The following PRUNE2 variants were observed in gnomAD, a reference collection of about 807,000 sequenced individuals.
PRUNE2 encodes prune homolog 2 with BCH domain, also known as protein prune homolog 2.
In PRUNE2, 164 loss-of-function variants were observed where a neutral mutation model predicts 252.0. The observed-to-expected ratio is 0.65, with a 90% confidence interval of 0.57 to 0.74. The LOEUF (loss-of-function observed/expected upper bound fraction) is 0.74, where lower values mean the gene tolerates loss of function less well. PRUNE2 is among the 30% of genes least tolerant of loss of function. PRUNE2 has a pLI of 0.00. For missense variants in PRUNE2, 3,495 were observed against 3,711.0 expected (o/e 0.94, Z 1.51); for synonymous variants, 1,292 against 1,350.2 (o/e 0.96, Z 0.94).
At chr9:76,799,335 C>A (rs2056371965) in intron 6 of PRUNE2, among the ~76,000 whole-genome samples, 1 of 134,446 alleles carries the variant, frequency 7.4e-6, no homozygotes, top group African/African-American at 2.8e-5. Context: ...GAGTGAAACT[C>A]TGTCTCAAAA....
intron 6 of PRUNE2, among the ~76,000 whole-genome samples, chr9:76,795,810 C>T (rs906240271): frequency 6.6e-6 from 1 of 152,104 alleles, no homozygotes; most frequent in African/African-American, 2.4e-5. Context: ...CCCAGGTGTA[C>T]ATAAAAATCA....
At position 76,853,414 on chromosome 9, in the gene PRUNE2, C is replaced by G. The variant is rs116288740; in HGVS notation, c.141+690G>C. On this transcript the variant is annotated intron_variant, in intron 2 of 18. Coordinates refer to ENST00000376718, the MANE Select transcript of PRUNE2 (RefSeq NM_015225.3). ...TCATAACATACATTTTTAGGCTTTACGTTAATAAAAAGCCCATTATCATGA... is the reference window on the plus strand; with the variant it reads ...TCATAACATACATTTTTAGGCTTTAGGTTAATAAAAAGCCCATTATCATGA... Among the ~76,000 whole-genome samples the G allele has an allele frequency of 6.4e-4, 98 of 152,192 alleles. 1 individual carries two copies. The East Asian group carries it at 9.8e-3, about 15-fold the overall frequency.
chr9:76,667,186 G>A (rs551714505), intron 9 of PRUNE2, among the ~76,000 whole-genome samples: 10 of 152,308 alleles, frequency 6.6e-5, no homozygotes, highest in African/African-American at 2.2e-4. Flanking sequence ...ATTAGGCAAC[G>A]GTCACTCTCT....
rs138865947 is a variant in PRUNE2 at position 76,888,196 on chromosome 9, G to A, written c.36+17732C>T. Among the ~76,000 whole-genome samples the A allele has an allele frequency of 3.8e-3, 580 of 152,306 alleles. 14 individuals carry two copies. The highest frequency in any genetic ancestry group is 0.014 in the East Asian group (74 of 5,184). On this transcript the variant is annotated intron_variant, in intron 1 of 18. Coordinates refer to ENST00000376718, the MANE Select transcript of PRUNE2 (RefSeq NM_015225.3). Reference sequence around the variant, plus strand: ...ACCACGCACCACTAACAATAGGGCCGGTGGGGACAAGAAAGCAAACGCGAA... The same window carrying A: ...ACCACGCACCACTAACAATAGGGCCAGTGGGGACAAGAAAGCAAACGCGAA...
At chr9:76,780,686 G>A (rs559140350) in intron 6 of PRUNE2, among the ~76,000 whole-genome samples, 10 of 151,946 alleles carry the variant, frequency 6.6e-5, no homozygotes, top group Admixed American at 1.3e-4. Flanking sequence ...GCAAGACTCC[G>A]TCTCAAAAAC....
chr9:76,801,733 A>T (rs973414874), intron 6 of PRUNE2, among the ~76,000 whole-genome samples: 9 of 152,326 alleles, frequency 5.9e-5, no homozygotes, highest in African/African-American at 2.2e-4. Flanking sequence ...ATTTTCTATA[A>T]TGGTAAATGT....
At chr9:76,664,107 T>C (rs2039668243) in intron 9 of PRUNE2, among the ~76,000 whole-genome samples, 1 of 152,196 alleles carries the variant, frequency 6.6e-6, no homozygotes, top group Admixed American at 6.5e-5. Context: ...CCCTTAAGTG[T>C]GGACTGATGA....
intron 1 of PRUNE2, among the ~76,000 whole-genome samples, chr9:76,902,381 G>A (rs971497028): frequency 2.0e-5 from 3 of 152,104 alleles, no homozygotes; most frequent in African/African-American, 7.2e-5. Context: ...GACTGATCTG[G>A]AATATAGGAT....
intron 6 of PRUNE2, chr9:76,748,816 A>C (rs1270732863): frequency 6.6e-6 from 1 of 152,440 alleles, no homozygotes; most frequent in Non-Finnish European, 1.5e-5. Context: ...AGACATGGGA[A>C]AGAGCTGCAG....
intron 1 of PRUNE2, among the ~76,000 whole-genome samples, chr9:76,904,598 C>CT (rs1445187545): frequency 6.6e-6 from 1 of 152,148 alleles, no homozygotes; most frequent in Non-Finnish European, 1.5e-5. Context: ...ATGCCAAATA[C>CT]TTACTTGAGT....
chr9:76,875,731 G>A (rs2061440747), intron 1 of PRUNE2, among the ~76,000 whole-genome samples: 1 of 152,180 alleles, frequency 6.6e-6, no homozygotes, highest in Non-Finnish European at 1.5e-5. Flanking sequence ...AGTAAATAGT[G>A]ACTCAATAAA....
intron 16 of PRUNE2, among the ~76,000 whole-genome samples, chr9:76,625,733 A>G (rs1162730650): frequency 6.6e-6 from 1 of 152,196 alleles, no homozygotes; most frequent in Non-Finnish European, 1.5e-5. Flanking sequence ...GTTGCCCAAC[A>G]TTCATGTTGC....
chr9:76,723,318 T>C (rs2047808582), intron 6 of PRUNE2, among the ~76,000 whole-genome samples: 1 of 152,222 alleles, frequency 6.6e-6, no homozygotes, highest in Non-Finnish European at 1.5e-5. Flanking sequence ...TAGACTTTCT[T>C]GCTCTGGTAG....
intron 6 of PRUNE2, among the ~76,000 whole-genome samples, chr9:76,727,986 G>A (rs2048264091): frequency 6.6e-6 from 1 of 152,038 alleles, no homozygotes; most frequent in African/African-American, 2.4e-5. Flanking sequence ...AAGGTACTGG[G>A]ATTACAGGTG....
chr9:76,741,458 G>A (rs921952246), intron 6 of PRUNE2, among the ~76,000 whole-genome samples: 19 of 152,200 alleles, frequency 1.2e-4, no homozygotes, highest in Admixed American at 1.2e-3. Context: ...TCAGGCTGGT[G>A]GGACCAGGGG....
intron 15 of PRUNE2, among the ~76,000 whole-genome samples, chr9:76,635,266 T>A (rs554259374): frequency 6.6e-6 from 1 of 152,210 alleles, no homozygotes; most frequent in African/African-American, 2.4e-5. Context: ...GCCACCCCGC[T>A]TGGCTGCTCA....
intron 1 of PRUNE2, among the ~76,000 whole-genome samples, chr9:76,877,593 C>G (rs2061543824): frequency 6.6e-6 from 1 of 152,080 alleles, no homozygotes; most frequent in Admixed American, 6.6e-5. Flanking sequence ...TTCTAGGAAC[C>G]CCTCCAATCA....
intron 6 of PRUNE2, among the ~76,000 whole-genome samples, chr9:76,801,251 T>C (rs931270828): frequency 3.2e-4 from 49 of 152,198 alleles, no homozygotes; most frequent in Non-Finnish European, 7.4e-5. Context: ...TTAAAAACTT[T>C]TTTCTCTCTT....
Position 76,893,666 on chromosome 9 carries a change from G to A in PRUNE2, c.36+12262C>T, listed in dbSNP as rs183953182. Among the ~76,000 whole-genome samples, 272 of 152,354 alleles carry A rather than the reference G, an allele frequency of 1.8e-3. 2 individuals carry two copies. The highest frequency in any genetic ancestry group is 6.2e-3 in the African/African-American group (256 of 41,574). ...CTTGGTCAGGAGGCTATTTTGGCATGAAAGAATTCCACAGAAGTGAGAAAT... is the reference window on the plus strand; with the variant it reads ...CTTGGTCAGGAGGCTATTTTGGCATAAAAGAATTCCACAGAAGTGAGAAAT... On this transcript the variant is annotated intron_variant, in intron 1 of 18. Coordinates refer to ENST00000376718, the MANE Select transcript of PRUNE2 (RefSeq NM_015225.3).
Sources: allele counts gnomAD v4.1 joint callset (sites outside exome capture counted in the v4.1 genomes callset), GRCh38; gene constraint gnomAD v4.1.1; transcripts MANE v1.5; gene names NCBI Gene and HGNC (gene_info 2026-07-23, HGNC 2026-07-21).